The following MTSS1 variants were observed in gnomAD, a reference collection of about 807,000 sequenced individuals.
The protein encoded by MTSS1 is protein MTSS 1.
MTSS1 carries 18 observed loss-of-function variants against 79.0 expected under a neutral mutation model. That is an observed-to-expected ratio of 0.23 (90% CI 0.16 to 0.34). The LOEUF is 0.34. Ranked by LOEUF, MTSS1 falls within the 10% of genes least tolerant of loss-of-function variation. The probability of loss-of-function intolerance (pLI) is 1.00; values close to 1 mark genes in which losing one functional copy is unlikely to be tolerated. For missense variants in MTSS1, 815 were observed against 986.2 expected (o/e 0.83, Z 2.33); for synonymous variants, 341 against 368.6 (o/e 0.93, Z 0.86).
chr8:124,638,085 T>TC (rs991674575), intron 3 of MTSS1, among the ~76,000 whole-genome samples: 2 of 152,244 alleles, frequency 1.3e-5, no homozygotes, highest in African/African-American at 4.8e-5. Context: ...GGTCTCTTTC[T>TC]CCCCATAAAA....
intron 3 of MTSS1, among the ~76,000 whole-genome samples, chr8:124,592,511 C>T (rs1385851086): frequency 6.6e-6 from 1 of 152,168 alleles, no homozygotes; most frequent in Non-Finnish European, 1.5e-5. Context: ...CTTATTAGTA[C>T]TCGTGACATT....
rs189527313 is a variant in MTSS1 at position 124,660,195 on chromosome 8, G to A, written c.208+39331C>T. Among the ~76,000 whole-genome samples the A allele has an allele frequency of 3.3e-5, 5 of 152,168 alleles. No individual in the cohort carries two copies. In the East Asian group the frequency reaches 9.7e-4, roughly 29 times the overall value. ...CCTTCAAAAGCCCTTCTCTGGCTCT[G>A]AGCTCAATTGTAGGAGATGAAAAAG... On this transcript the variant is annotated intron_variant, in intron 3 of 13. Transcript: ENST00000518547.
intron 3 of MTSS1, among the ~76,000 whole-genome samples, chr8:124,632,298 A>AGT (rs1554684235): frequency 9.4e-5 from 14 of 149,354 alleles, no homozygotes; most frequent in Admixed American, 2.7e-4. Context: ...AAAAAAAAAA[A>AGT]GGTAAGGAAC....
intron 1 of MTSS1, among the ~76,000 whole-genome samples, chr8:124,724,081 C>A (rs1833331850): frequency 6.6e-6 from 1 of 152,132 alleles, no homozygotes; most frequent in South Asian, 2.1e-4. Flanking sequence ...AATTGCCCTC[C>A]ATAAACAGCA....
intron 3 of MTSS1, among the ~76,000 whole-genome samples, chr8:124,689,564 G>A (rs1827587923): frequency 6.6e-6 from 1 of 151,832 alleles, no homozygotes; most frequent in Admixed American, 6.6e-5. Context: ...TGACCAACAT[G>A]GAGAAACCCC....
intron 1 of MTSS1, among the ~76,000 whole-genome samples, chr8:124,706,370 A>AT (rs1429736345): frequency 1.3e-5 from 2 of 152,296 alleles, no homozygotes; most frequent in East Asian, 3.9e-4. Flanking sequence ...AATGAAAACA[A>AT]TAAAGTCATT....
chr8:124,603,145 C>T (rs186080871), intron 3 of MTSS1, among the ~76,000 whole-genome samples: 10 of 152,248 alleles, frequency 6.6e-5, no homozygotes, highest in African/African-American at 2.2e-4. Context: ...CCTGCCTCAG[C>T]CTCCCAAGTA....
At chr8:124,585,024 C>T in intron 6 of MTSS1, 63 bp downstream of exon 6, 1 of 1,446,448 alleles carries the variant, frequency 6.9e-7, no homozygotes, top group Admixed American at 1.8e-5. Flanking sequence ...ACACCTTTCA[C>T]TTCAAAAACA....
rs1420365997 is a variant in MTSS1, at chr8:124,582,093, G to A, written c.460+2994C>T. On this transcript the variant is annotated intron_variant, in intron 6 of 13. Transcript: ENST00000518547. This position sits in a 1 kb window ranked among gnomAD's most constrained non-coding sequence, Gnocchi z 4.8. ...GCCCCGTGCTCTTGACCCTGTGCAC[G>A]AGCCCAGAATTTCTCTGAGGGTGAG... Among the ~76,000 whole-genome samples the A allele has an allele frequency of 1.3e-5, 2 of 152,228 alleles. No individual in the cohort carries two copies. The highest frequency in any genetic ancestry group is 3.4e-3 in the Middle Eastern group (1 of 294).
At chr8:124,657,093 G>A (rs896315994) in intron 3 of MTSS1, among the ~76,000 whole-genome samples, 3 of 152,208 alleles carry the variant, frequency 2.0e-5, no homozygotes, top group Non-Finnish European at 4.4e-5. Flanking sequence ...GTGAATGAAT[G>A]ATTGTTAATT....
intron 1 of MTSS1, among the ~76,000 whole-genome samples, chr8:124,724,490 G>A (rs981307079): frequency 1.3e-5 from 2 of 152,144 alleles, no homozygotes; most frequent in South Asian, 4.1e-4. Flanking sequence ...TCCTAACCTC[G>A]TACAAAGTTC....
intron 3 of MTSS1, among the ~76,000 whole-genome samples, chr8:124,621,484 G>A (rs567351900): frequency 6.6e-5 from 10 of 152,140 alleles, no homozygotes; most frequent in African/African-American, 1.2e-4. Flanking sequence ...CATCAGTACC[G>A]TCATTCCAAT....
chr8:124,559,564 G>T (rs1262121710), intron 10 of MTSS1, among the ~76,000 whole-genome samples: 1 of 152,104 alleles, frequency 6.6e-6, no homozygotes, highest in Admixed American at 6.5e-5. Context: ...GCTTTACACT[G>T]ATCTGATGGA....
chr8:124,602,881 A>G (rs185929394), intron 3 of MTSS1, among the ~76,000 whole-genome samples: 1 of 152,300 alleles, frequency 6.6e-6, no homozygotes, highest in East Asian at 1.9e-4. Context: ...TGTGCTACGA[A>G]GTAAAGAGAC....
At chr8:124,688,242 GTTGTGCGTGTGT>G (rs1827316399) in intron 3 of MTSS1, among the ~76,000 whole-genome samples, 1 of 151,642 alleles carries the variant, frequency 6.6e-6, no homozygotes, top group Non-Finnish European at 1.5e-5. Context: ...TGTTGTGTAT[GTTGTGCGTGTGT>G]GTGTGCATGT....
intron 3 of MTSS1, among the ~76,000 whole-genome samples, chr8:124,655,166 C>T (rs1349709163): frequency 1.3e-5 from 2 of 152,218 alleles, no homozygotes; most frequent in Admixed American, 6.5e-5. Flanking sequence ...CAACTGCTGT[C>T]GGGGCTCAGG....
intron 3 of MTSS1, among the ~76,000 whole-genome samples, chr8:124,655,876 G>C (rs1272788199): frequency 6.6e-6 from 1 of 152,202 alleles, no homozygotes; most frequent in African/African-American, 2.4e-5. Flanking sequence ...GTAAAGTAAA[G>C]AGTGTGTTCC....
At chr8:124,616,395 A>T (rs937837843) in intron 3 of MTSS1, among the ~76,000 whole-genome samples, 10 of 133,556 alleles carry the variant, frequency 7.5e-5, no homozygotes, top group African/African-American at 2.9e-4. Flanking sequence ...AAAAAAAAAA[A>T]TCAGCTTTAT....
intron 3 of MTSS1, among the ~76,000 whole-genome samples, chr8:124,596,778 C>T (rs1832839493): frequency 2.0e-5 from 3 of 152,144 alleles, no homozygotes; most frequent in Non-Finnish European, 4.4e-5. Context: ...TCCAGCATTC[C>T]TTGGCTTGCA....
Sources: allele counts gnomAD v4.1 joint callset (sites outside exome capture counted in the v4.1 genomes callset), GRCh38; gene constraint gnomAD v4.1.1; non-coding constraint Gnocchi (gnomAD v3.1); transcripts MANE v1.5; gene names NCBI Gene and HGNC (gene_info 2026-07-23, HGNC 2026-07-21).